The following SPIRE1 variants were observed in gnomAD, a reference collection of about 807,000 sequenced individuals.
SPIRE1 encodes protein spire homolog 1.
A neutral mutation model predicts 94.1 loss-of-function variants in SPIRE1; 40 were observed. The observed-to-expected ratio is 0.43, with a 90% CI of 0.33 to 0.55. The LOEUF is 0.55. Among genes scored for constraint, SPIRE1 ranks in the 20% least tolerant of loss-of-function variants. The pLI is 0.06. For synonymous variants in SPIRE1, 376 were observed against 371.7 expected, an observed-to-expected ratio of 1.01 and a Z score of -0.13; for missense variants, 838 against 975.2, an observed-to-expected ratio of 0.86 and a Z score of 1.87.
At chr18:12,539,587 G>GCACACACACACA (rs57030414) in intron 3 of SPIRE1, among the ~76,000 whole-genome samples, 65 of 139,102 alleles carry the variant, frequency 4.7e-4, no homozygotes, top group African/African-American at 1.4e-3. Flanking sequence ...ACACACACAC[G>GCACACACACACA]CACACACACA....
At chr18:12,608,798 C>T (rs1175160748) in intron 2 of SPIRE1, among the ~76,000 whole-genome samples, 1 of 152,200 alleles carries the variant, frequency 6.6e-6, no homozygotes, top group African/African-American at 2.4e-5. Flanking sequence ...CTTACAACAA[C>T]AACCCAAGGA....
intron 1 of SPIRE1, among the ~76,000 whole-genome samples, chr18:12,641,815 GA>G (rs1385171192): frequency 1.3e-5 from 2 of 148,336 alleles, no homozygotes; most frequent in Non-Finnish European, 3.0e-5. Context: ...CATTTTAAGG[GA>G]AAAAAGAATG....
intron 2 of SPIRE1, among the ~76,000 whole-genome samples, chr18:12,575,464 A>T (rs1345370753): frequency 1.3e-5 from 2 of 152,076 alleles, no homozygotes; most frequent in Non-Finnish European, 2.9e-5. Context: ...TCCCTGCCTC[A>T]ACCTCCTGAA....
intron 4 of SPIRE1, among the ~76,000 whole-genome samples, chr18:12,520,399 C>T (rs1394935839): frequency 6.6e-6 from 1 of 152,120 alleles, no homozygotes; most frequent in Admixed American, 6.6e-5. Context: ...GCTGCAGGAT[C>T]TGAAAGGTGG....
intron 2 of SPIRE1, among the ~76,000 whole-genome samples, chr18:12,632,126 C>T (rs1343985037): frequency 2.0e-5 from 3 of 151,956 alleles, no homozygotes; most frequent in Non-Finnish European, 4.4e-5. Flanking sequence ...CTCCATGGTA[C>T]GCTCTTAAGA....
intron 2 of SPIRE1, among the ~76,000 whole-genome samples, chr18:12,562,561 A>G (rs2035716674): frequency 6.6e-6 from 1 of 150,472 alleles, no homozygotes; most frequent in Non-Finnish European, 1.5e-5. Context: ...TTACATAAAC[A>G]TGTACGATGG....
intron 2 of SPIRE1, among the ~76,000 whole-genome samples, chr18:12,588,605 T>A (rs1325970771): frequency 5.9e-5 from 8 of 135,526 alleles, no homozygotes; most frequent in African/African-American, 8.1e-5. Flanking sequence ...TGTCTCACTT[T>A]AAAAAAAAAA....
upstream of SPIRE1, chr18:12,658,556 C>G (rs1428450748): frequency 8.5e-6 from 4 of 470,750 alleles, no homozygotes; most frequent in East Asian, 2.8e-4. Flanking sequence ...AGAAGTCACC[C>G]GCATTGACGT....
At chr18:12,659,278 T>C (rs556805964), upstream of SPIRE1, among the ~76,000 whole-genome samples, 3 of 152,274 alleles carry the variant, frequency 2.0e-5, no homozygotes, top group Non-Finnish European at 4.4e-5. Flanking sequence ...ACAGTCTATT[T>C]AAATAACAAC....
At chr18:12,503,549 T>C (rs1680682274) in intron 6 of SPIRE1, among the ~76,000 whole-genome samples, 1 of 152,206 alleles carries the variant, frequency 6.6e-6, no homozygotes, top group South Asian at 2.1e-4. Context: ...GATGGCGAGT[T>C]GTTTTTGTTG....
intron 4 of SPIRE1, among the ~76,000 whole-genome samples, chr18:12,526,637 AG>A (rs1288931574): frequency 6.6e-6 from 1 of 152,238 alleles, no homozygotes; most frequent in Non-Finnish European, 1.5e-5. Flanking sequence ...TTTAGCACAG[AG>A]TAAGTATGGA....
chr18:12,550,872 T>G (rs2035329254), intron 2 of SPIRE1, among the ~76,000 whole-genome samples: 1 of 152,210 alleles, frequency 6.6e-6, no homozygotes, highest in South Asian at 2.1e-4. Flanking sequence ...TTCTAGATTT[T>G]CTCTCAGCAA....
chr18:12,636,685 T>C (rs2037938023), intron 1 of SPIRE1, among the ~76,000 whole-genome samples: 1 of 152,158 alleles, frequency 6.6e-6, no homozygotes, highest in Non-Finnish European at 1.5e-5. Context: ...CATGAACATA[T>C]ATATAAAATG....
chr18:12,515,154 A>C (rs2034161011), intron 4 of SPIRE1, among the ~76,000 whole-genome samples: 1 of 152,176 alleles, frequency 6.6e-6, no homozygotes, highest in African/African-American at 2.4e-5. Flanking sequence ...AAACCATAAA[A>C]ATATGAAAAA....
Position 12,496,100 on chromosome 18 carries a change from C to G in SPIRE1, c.975G>C (p.Val325=). The change falls in exon 7 of 17, where the codon GTG becomes GTC. Residue 325 remains valine (V), a splice_region_variant and synonymous_variant. Coordinates refer to ENST00000409402, the MANE Select transcript of SPIRE1 (RefSeq NM_001128626.2). Reference sequence around the variant, plus strand: ...TTAACCGAGGGGGAATATCACCATTCACCTAAAAGGAGACAAAAAGCAGAA... The same window carrying G: ...TTAACCGAGGGGGAATATCACCATTGACCTAAAAGGAGACAAAAAGCAGAA... ...CKRYTLRKVM[V]NGDIPPRLKK... is the part of the protein sequence containing the mutation. The G allele has an allele frequency of 6.2e-7, 1 of 1,610,626 alleles. No individual in the cohort carries two copies.
chr18:12,644,735 A>G (rs2038176956), intron 1 of SPIRE1, among the ~76,000 whole-genome samples: 1 of 152,196 alleles, frequency 6.6e-6, no homozygotes. Context: ...CCAAACATAT[A>G]TTTAATATTG....
intron 2 of SPIRE1, among the ~76,000 whole-genome samples, chr18:12,618,485 T>G (rs150265997): frequency 0.018 from 2,706 of 152,192 alleles, 90 homozygotes; most frequent in African/African-American, 0.062. Flanking sequence ...TGAAGAAAAA[T>G]AAGCAGTTAT....
At chr18:12,508,166 A>T (rs1246808185) in intron 5 of SPIRE1, among the ~76,000 whole-genome samples, 4 of 152,132 alleles carry the variant, frequency 2.6e-5, no homozygotes, top group African/African-American at 9.7e-5. Context: ...AAATAAAAAA[A>T]AAATAAAGTG....
chr18:12,613,006 T>C (rs1268033879), intron 2 of SPIRE1, among the ~76,000 whole-genome samples: 6 of 152,226 alleles, frequency 3.9e-5, no homozygotes, highest in Non-Finnish European at 8.8e-5. Flanking sequence ...CACCTTTTAA[T>C]GTACTATAGT....
Sources: allele counts gnomAD v4.1 joint callset (sites outside exome capture counted in the v4.1 genomes callset), GRCh38; gene constraint gnomAD v4.1.1; transcripts MANE v1.5; gene names NCBI Gene and HGNC (gene_info 2026-07-23, HGNC 2026-07-21).